Variants in OXCT1 observed in about 807,000 individuals in gnomAD.
OXCT1 encodes 3-oxoacid CoA-transferase 1, also known as succinyl-CoA:3-ketoacid coenzyme A transferase 1, mitochondrial.
A neutral mutation model predicts 69.6 loss-of-function variants in OXCT1; 27 were observed. That is an observed-to-expected ratio of 0.39 (90% CI 0.29 to 0.54). The LOEUF (loss-of-function observed/expected upper bound fraction) is 0.54, where lower values mean the gene tolerates loss of function less well. Among genes scored for constraint, OXCT1 ranks in the 20% least tolerant of loss-of-function variants. OXCT1 has a pLI of 0.72. For missense variants in OXCT1, 437 were observed against 650.2 expected (o/e 0.67, Z 3.57); for synonymous variants, 202 against 217.8 (o/e 0.93, Z 0.64).
chr5:41,790,745 C>T (rs1304124868), intron 13 of OXCT1, among the ~76,000 whole-genome samples: 2 of 152,104 alleles, frequency 1.3e-5, no homozygotes, highest in Admixed American at 1.3e-4. Flanking sequence ...ATTTAAATTA[C>T]ATAAGTCAAC....
At chr5:41,795,516 G>T (rs1337359746) in intron 11 of OXCT1, among the ~76,000 whole-genome samples, 1 of 152,220 alleles carries the variant, frequency 6.6e-6, no homozygotes, top group Non-Finnish European at 1.5e-5. Context: ...CACTGAGACA[G>T]AGAGACTGTG....
At chr5:41,756,341 G>A (rs889330837) in intron 14 of OXCT1, among the ~76,000 whole-genome samples, 12 of 152,094 alleles carry the variant, frequency 7.9e-5, no homozygotes, top group African/African-American at 2.9e-4. Context: ...TCTTCATGTT[G>A]TTAGTGGTAA....
chr5:41,836,412 G>T (rs563050241), intron 7 of OXCT1, among the ~76,000 whole-genome samples: 1 of 152,274 alleles, frequency 6.6e-6, no homozygotes, highest in East Asian at 1.9e-4. Flanking sequence ...CACATTTTAA[G>T]AAATATGAAT....
chr5:41,800,987 T>C (rs1199021179), intron 11 of OXCT1, 35 bp downstream of exon 11: 13 of 1,574,424 alleles, frequency 8.3e-6, no homozygotes, highest in Non-Finnish European at 9.6e-6. Flanking sequence ...ACAAAATTAA[T>C]AGCAAAGGGA....
At chr5:41,756,118 T>C (rs889391011) in intron 14 of OXCT1, among the ~76,000 whole-genome samples, 2 of 152,100 alleles carry the variant, frequency 1.3e-5, no homozygotes, top group Non-Finnish European at 2.9e-5. Flanking sequence ...ACAATTATTC[T>C]TTTTATCCCT....
chr5:41,784,797 C>T (rs1381287682), intron 13 of OXCT1, among the ~76,000 whole-genome samples: 1 of 152,162 alleles, frequency 6.6e-6, no homozygotes, highest in Non-Finnish European at 1.5e-5. Flanking sequence ...TAGTTCCCTC[C>T]TTGTAAAAAA....
At chr5:41,820,538 T>C (rs563795046) in intron 7 of OXCT1, among the ~76,000 whole-genome samples, 1 of 152,286 alleles carries the variant, frequency 6.6e-6, no homozygotes, top group East Asian at 1.9e-4. Flanking sequence ...TAAAATATCT[T>C]TCGTTAGGGA....
chr5:41,854,938 A>C (rs1296260871), intron 3 of OXCT1, among the ~76,000 whole-genome samples: 1 of 152,236 alleles, frequency 6.6e-6, no homozygotes, highest in Non-Finnish European at 1.5e-5. Context: ...TCTATAACCA[A>C]CAGAAATGCA....
intron 7 of OXCT1, among the ~76,000 whole-genome samples, chr5:41,825,943 A>C (rs976805140): frequency 1.3e-5 from 2 of 152,218 alleles, no homozygotes; most frequent in Admixed American, 6.5e-5. Context: ...CCCAAACCAA[A>C]ATATGTGAAT....
chr5:41,827,598 G>T (rs997953819), intron 7 of OXCT1, among the ~76,000 whole-genome samples: 3 of 152,202 alleles, frequency 2.0e-5, no homozygotes, highest in Non-Finnish European at 2.9e-5. Flanking sequence ...GGAGTTAAAT[G>T]AATCTAGCTA....
intron 13 of OXCT1, among the ~76,000 whole-genome samples, chr5:41,772,362 C>CAA (rs560834066): frequency 3.4e-5 from 4 of 118,700 alleles, no homozygotes; most frequent in African/African-American, 6.2e-5. Flanking sequence ...TTAAAAAAAA[C>CAA]AAAAAAAAAA....
intron 5 of OXCT1, among the ~76,000 whole-genome samples, chr5:41,843,141 A>AAT (rs1748725113): frequency 6.6e-6 from 1 of 152,172 alleles, no homozygotes; most frequent in Non-Finnish European, 1.5e-5. Flanking sequence ...CCCTGAAAAA[A>AAT]CAGTTTGCAT....
At chr5:41,741,202 T>C (rs1472283609) in intron 15 of OXCT1, among the ~76,000 whole-genome samples, 1 of 152,194 alleles carries the variant, frequency 6.6e-6, no homozygotes, top group African/African-American at 2.4e-5. Context: ...TCCACCTGCC[T>C]GCCTCGGCCT....
At chr5:41,732,104 A>C (rs1274852062) in intron 16 of OXCT1, among the ~76,000 whole-genome samples, 1 of 152,180 alleles carries the variant, frequency 6.6e-6, no homozygotes, top group Non-Finnish European at 1.5e-5. Flanking sequence ...TCCGAGACTG[A>C]TGCCTCTGAG....
At chr5:41,754,010 A>G (rs1302594592) in intron 14 of OXCT1, among the ~76,000 whole-genome samples, 5 of 152,122 alleles carry the variant, frequency 3.3e-5, no homozygotes, top group African/African-American at 4.8e-5. Flanking sequence ...GGAAGCAGCA[A>G]AGACACTTTA....
chr5:41,749,543 C>G lies in OXCT1; in HGVS notation c.1403G>C (p.Arg468Pro). 1 of 1,604,456 alleles carries G rather than the reference C, an allele frequency of 6.2e-7. No individual in the cohort carries two copies. Among genetic ancestry groups the G allele is most frequent in the Non-Finnish European group, 8.5e-7 (1 of 1,172,220 alleles). ...ACTTTTTACCTTTTCAGTAATAATG[C>G]GGTTGACACATTGCTTTCCAGTCAA... ...LPLTGKQCVN[R>P]IITEKAVFDV... Residue 468 changes from arginine to proline, a missense_variant, in exon 15 of 17, where the codon CGC becomes CCC. Coordinates refer to ENST00000196371, the MANE Select transcript of OXCT1 (RefSeq NM_000436.4).
At chr5:41,746,962 T>C (rs747458297) in intron 15 of OXCT1, among the ~76,000 whole-genome samples, 6 of 152,170 alleles carry the variant, frequency 3.9e-5, no homozygotes, top group Non-Finnish European at 8.8e-5. Context: ...ATCTGTCCTA[T>C]GGTTTAGAAT....
At chr5:41,867,180 C>T (rs150603177) in intron 1 of OXCT1, among the ~76,000 whole-genome samples, 2,171 of 152,100 alleles carry the variant, frequency 0.014, 101 homozygotes, top group South Asian at 0.079. Context: ...CATTCCATGA[C>T]GAAGGGACAG....
chr5:41,774,081 CA>C (rs1165997043), intron 13 of OXCT1, among the ~76,000 whole-genome samples: 2 of 152,134 alleles, frequency 1.3e-5, no homozygotes, highest in Non-Finnish European at 2.9e-5. Flanking sequence ...TCAAGTGTGG[CA>C]AAATACTTGG....
Sources: allele counts gnomAD v4.1 joint callset (sites outside exome capture counted in the v4.1 genomes callset), GRCh38; gene constraint gnomAD v4.1.1; transcripts MANE v1.5; gene names NCBI Gene and HGNC (gene_info 2026-07-23, HGNC 2026-07-21).